The following LOC122539214 variants were observed in gnomAD, a reference collection of about 807,000 sequenced individuals.
the LOC122539214 span, among the ~76,000 whole-genome samples, chr19:52,674,015 CAAAAA>C: frequency 6.6e-4 from 48 of 73,042 alleles, no homozygotes; most frequent in African/African-American, 2.5e-3. Flanking sequence ...GACTCCATCT[CAAAAA>C]AAAAAAAAAA....
the LOC122539214 span, among the ~76,000 whole-genome samples, chr19:52,656,153 C>T: frequency 4.6e-5 from 7 of 151,922 alleles, no homozygotes; most frequent in African/African-American, 1.5e-4. Context: ...GCAAAGGTTG[C>T]GGTGAGCTGA....
At chr19:52,687,598 TG>T in the LOC122539214 span, among the ~76,000 whole-genome samples, 130 of 25,232 alleles carry the variant, frequency 5.2e-3, no homozygotes, top group African/African-American at 0.017. Context: ...ATATATATAA[TG>T]TATATATATA....
the LOC122539214 span, among the ~76,000 whole-genome samples, chr19:52,668,046 CAA>C: frequency 4.6e-5 from 7 of 152,162 alleles, no homozygotes; most frequent in Non-Finnish European, 1.0e-4. Context: ...ACGTTTAAAA[CAA>C]ATGATAAATT....
At chr19:52,661,321 C>T in the LOC122539214 span, among the ~76,000 whole-genome samples, 10 of 152,170 alleles carry the variant, frequency 6.6e-5, no homozygotes, top group Admixed American at 2.0e-4. Flanking sequence ...GTAATTTTGA[C>T]CCATTTTCAG....
At chr19:52,687,599 G>GTA in the LOC122539214 span, among the ~76,000 whole-genome samples, 8 of 16,834 alleles carry the variant, frequency 4.8e-4, no homozygotes, top group South Asian at 1.3e-3. Flanking sequence ...TATATATAAT[G>GTA]TATATATATA....
the LOC122539214 span, chr19:52,651,907 G>A: frequency 7.5e-5 from 13 of 172,464 alleles, no homozygotes; most frequent in Non-Finnish European, 1.6e-4. Flanking sequence ...GTCAATTAAT[G>A]CTTGAACTCA....
At chr19:52,671,490 C>T in the LOC122539214 span, among the ~76,000 whole-genome samples, 2 of 151,998 alleles carry the variant, frequency 1.3e-5, no homozygotes, top group Non-Finnish European at 2.9e-5. Flanking sequence ...GTCACCCCGG[C>T]TGGAATGCAG....
chr19:52,680,673 C>T, the LOC122539214 span, among the ~76,000 whole-genome samples: 104 of 126,360 alleles, frequency 8.2e-4, no homozygotes, highest in East Asian at 5.2e-3. Flanking sequence ...AGTGCAGTGG[C>T]GCGATCTCGG....
chr19:52,670,143 C>A, the LOC122539214 span, among the ~76,000 whole-genome samples: 2 of 152,124 alleles, frequency 1.3e-5, no homozygotes, highest in Non-Finnish European at 2.9e-5. Context: ...ATTCTGATCA[C>A]CTGCTCCACC....
chr19:52,664,650 C>A, the LOC122539214 span, among the ~76,000 whole-genome samples: 2 of 150,682 alleles, frequency 1.3e-5, no homozygotes, highest in Non-Finnish European at 2.9e-5. Flanking sequence ...GGTGGAACCC[C>A]AGGAGGTGAG....
chr19:52,657,159 A>G, the LOC122539214 span, among the ~76,000 whole-genome samples: 1 of 151,796 alleles, frequency 6.6e-6, no homozygotes, highest in African/African-American at 2.4e-5. Flanking sequence ...TTAAGAGACA[A>G]CTTCAAGAAA....
At chr19:52,688,091 G>C in the LOC122539214 span, among the ~76,000 whole-genome samples, 1 of 152,080 alleles carries the variant, frequency 6.6e-6, no homozygotes, top group South Asian at 2.1e-4. Context: ...TAAATTATTA[G>C]ATTATATACA....
the LOC122539214 span, among the ~76,000 whole-genome samples, chr19:52,676,621 A>T: frequency 6.7e-6 from 1 of 149,636 alleles, no homozygotes; most frequent in Non-Finnish European, 1.5e-5. Flanking sequence ...CCCGTCTGGG[A>T]GGTGTGCCCA....
At chr19:52,666,031 A>G in the LOC122539214 span, among the ~76,000 whole-genome samples, 1 of 151,720 alleles carries the variant, frequency 6.6e-6, no homozygotes, top group South Asian at 2.1e-4. Flanking sequence ...GGGCATGGTG[A>G]TGGGTGCCTG....
chr19:52,660,783 C>A, the LOC122539214 span: 2 of 214,486 alleles, frequency 9.3e-6, no homozygotes, highest in South Asian at 8.5e-5. Context: ...CCATCCTTGT[C>A]TCCTTTTCTT....
chr19:52,677,268 T>A, the LOC122539214 span, among the ~76,000 whole-genome samples: 31,974 of 148,998 alleles, frequency 0.21, 3,645 homozygotes, highest in Non-Finnish European at 0.24. Context: ...GTGAGGGGCA[T>A]TTTGCTTTTG....
At chr19:52,655,475 C>CA in the LOC122539214 span, 1 of 1,262,794 alleles carries the variant, frequency 7.9e-7, no homozygotes, top group Non-Finnish European at 1.1e-6. Flanking sequence ...ATGTATGCGG[C>CA]AAAATCACAA....
the LOC122539214 span, chr19:52,654,326 A>G: frequency 6.9e-7 from 1 of 1,446,762 alleles, no homozygotes; most frequent in Admixed American, 1.7e-5. Flanking sequence ...TGTCTTTGCA[A>G]TGTCCCTGTG....
At chr19:52,655,703 C>T in the LOC122539214 span, 2 of 970,734 alleles carry the variant, frequency 2.1e-6, no homozygotes, top group Admixed American at 2.1e-5. Flanking sequence ...ATTAAACACA[C>T]ATTTCAACAA....
Sources: gnomAD v4.1 joint callset for allele counts (sites outside exome capture counted in the v4.1 genomes callset) on GRCh38, gnomAD v4.1.1 for gene constraint, MANE v1.5 for transcripts.